GABRA2: variants seen among roughly 807,000 people sequenced by gnomAD.
GABRA2 encodes the protein gamma-aminobutyric acid type A receptor subunit alpha2.
GABRA2 carries 16 observed loss-of-function variants against 48.7 expected under a neutral mutation model. That is an observed-to-expected ratio of 0.33 (90% CI 0.22 to 0.50). The LOEUF (loss-of-function observed/expected upper bound fraction) is 0.50, where lower values mean the gene tolerates loss of function less well. Ranked by LOEUF, GABRA2 falls within the 20% of genes least tolerant of loss-of-function variation. The pLI, the probability that GABRA2 is intolerant of heterozygous loss-of-function variation, is 0.98. For missense variants in GABRA2, 275 were observed against 535.6 expected (o/e 0.51, Z 4.80); for synonymous variants, 185 against 184.5 (o/e 1.00, Z -0.02).
At chr4:46,292,023 G>T (rs1218355321) in intron 8 of GABRA2, among the ~76,000 whole-genome samples, 9 of 151,964 alleles carry the variant, frequency 5.9e-5, no homozygotes, top group Non-Finnish European at 1.3e-4. Flanking sequence ...ATGATCCTTG[G>T]CATGAACTGT....
chr4:46,270,218 G>T (rs1196139393), intron 8 of GABRA2, among the ~76,000 whole-genome samples: 1 of 151,878 alleles, frequency 6.6e-6, no homozygotes, highest in African/African-American at 2.4e-5. Context: ...TTGGAAATTT[G>T]ACAATAACAT....
In GABRA2 at chr4:46,281,742, T is replaced by C. The variant is rs530928425; in HGVS notation, c.857-19614A>G. Among the ~76,000 whole-genome samples, 43 of 152,136 alleles carry C rather than the reference T, an allele frequency of 2.8e-4. 1 individual carries two copies. The highest frequency in any genetic ancestry group is 8.7e-4 in the African/African-American group (36 of 41,488). On this transcript the variant is annotated intron_variant, in intron 8 of 9. Transcript: ENST00000381620. ...TTTGAGGACAGTAAAAACAGCAAAT[T>C]CCTTCAAGTAAATCATCTTAAAAGG...
At chr4:46,266,545 G>A (rs541686437) in intron 8 of GABRA2, among the ~76,000 whole-genome samples, 2 of 150,690 alleles carry the variant, frequency 1.3e-5, no homozygotes, top group East Asian at 3.9e-4. Context: ...GTAACATTTG[G>A]TTGTTTCGAG....
intron 8 of GABRA2, among the ~76,000 whole-genome samples, chr4:46,284,580 G>A (rs913840686): frequency 9.9e-5 from 15 of 152,282 alleles, no homozygotes; most frequent in African/African-American, 3.4e-4. Context: ...AAATATCCAT[G>A]AGATAAATGA....
chr4:46,298,989 T>C (rs954601914), intron 8 of GABRA2, among the ~76,000 whole-genome samples: 1 of 151,136 alleles, frequency 6.6e-6, no homozygotes, highest in East Asian at 1.9e-4. Flanking sequence ...ATATTATACA[T>C]ATATTATATG....
intron 3 of GABRA2, among the ~76,000 whole-genome samples, chr4:46,376,652 CA>C (rs1715741021): frequency 6.6e-6 from 1 of 152,004 alleles, no homozygotes; most frequent in Non-Finnish European, 1.5e-5. Context: ...TTTGGGAGGC[CA>C]AAGTGGGAGG....
rs1342714941 is a variant in GABRA2, at chr4:46,247,812, T to C, written c.*2496A>G. Among the ~76,000 whole-genome samples, 1 of 151,322 alleles carries C rather than the reference T, an allele frequency of 6.6e-6. No individual in the cohort carries two copies. Among genetic ancestry groups the C allele is most frequent in the Non-Finnish European group, 1.5e-5 (1 of 67,436 alleles). Reference sequence around the variant, plus strand: ...AGCAATTTCCACGGAGCATCCCTAGTCTCCCCACAAGAGAAGAAGCTCCTT... The same window carrying C: ...AGCAATTTCCACGGAGCATCCCTAGCCTCCCCACAAGAGAAGAAGCTCCTT... On this transcript the variant is annotated 3_prime_UTR_variant, in exon 10 of 10. Coordinates refer to ENST00000381620, the MANE Select transcript of GABRA2 (RefSeq NM_000807.4).
chr4:46,308,266 C>T (rs1727046884), intron 6 of GABRA2, among the ~76,000 whole-genome samples: 1 of 151,932 alleles, frequency 6.6e-6, no homozygotes, highest in Non-Finnish European at 1.5e-5. Flanking sequence ...AGGTATGCGG[C>T]AATAGGAATA....
At chr4:46,293,592 T>C (rs943114512) in intron 8 of GABRA2, among the ~76,000 whole-genome samples, 1 of 152,180 alleles carries the variant, frequency 6.6e-6, no homozygotes. Flanking sequence ...CCTGTGGTCA[T>C]TTCTCTATTG....
intron 3 of GABRA2, among the ~76,000 whole-genome samples, chr4:46,358,638 G>C (rs1006039986): frequency 6.6e-6 from 1 of 152,128 alleles, no homozygotes; most frequent in African/African-American, 2.4e-5. Context: ...TCACATGTTT[G>C]CTGGGTTAGT....
intron 2 of GABRA2, 133 bp from the exon 3 acceptor site, chr4:46,386,322 T>A (rs1044185473): frequency 3.9e-5 from 23 of 584,896 alleles, no homozygotes; most frequent in Admixed American, 1.4e-4. Flanking sequence ...CCTTTTTTTT[T>A]AACTTCTATA....
intron 3 of GABRA2, among the ~76,000 whole-genome samples, chr4:46,343,880 C>T (rs538072143): frequency 1.3e-4 from 20 of 151,914 alleles, no homozygotes; most frequent in African/African-American, 4.8e-4. Flanking sequence ...TCCATGATTC[C>T]ACTGAATAAT....
At chr4:46,255,816 T>A (rs1260363860) in intron 9 of GABRA2, among the ~76,000 whole-genome samples, 2 of 151,668 alleles carry the variant, frequency 1.3e-5, no homozygotes, top group Non-Finnish European at 3.0e-5. Flanking sequence ...TGACTTCCTA[T>A]GAGTGATAGA....
At chr4:46,310,480 T>C (rs1727455763) in intron 5 of GABRA2, among the ~76,000 whole-genome samples, 1 of 152,206 alleles carries the variant, frequency 6.6e-6, no homozygotes, top group Non-Finnish European at 1.5e-5. Flanking sequence ...AAATATACTT[T>C]AGCCATTTTA....
intron 9 of GABRA2, chr4:46,261,266 T>A (rs1417318651): frequency 2.0e-5 from 3 of 152,166 alleles, no homozygotes; most frequent in Non-Finnish European, 4.4e-5. Context: ...ACTTTTCCCT[T>A]TTAGACCATA....
chr4:46,318,998 T>G (rs1038027233), intron 4 of GABRA2, among the ~76,000 whole-genome samples: 1 of 151,700 alleles, frequency 6.6e-6, no homozygotes, highest in Non-Finnish European at 1.5e-5. Context: ...AGTTTGTTAG[T>G]GACAGAACCC....
At chr4:46,268,257 A>G (rs1352302493) in intron 8 of GABRA2, among the ~76,000 whole-genome samples, 5 of 151,954 alleles carry the variant, frequency 3.3e-5, no homozygotes, top group Non-Finnish European at 5.9e-5. Flanking sequence ...GAGTGATAAA[A>G]ATATGTGAAT....
At chr4:46,327,854 A>G (rs1730653243) in intron 4 of GABRA2, among the ~76,000 whole-genome samples, 1 of 152,070 alleles carries the variant, frequency 6.6e-6, no homozygotes, top group South Asian at 2.1e-4. Context: ...TTTCAAGATT[A>G]CTTCAAAGTT....
At chr4:46,342,555 G>T (rs962562140) in intron 3 of GABRA2, among the ~76,000 whole-genome samples, 1 of 151,936 alleles carries the variant, frequency 6.6e-6, no homozygotes, top group East Asian at 1.9e-4. Flanking sequence ...CTGACCTCTT[G>T]ACTGTTCATT....
Sources: allele counts gnomAD v4.1 joint callset (sites outside exome capture counted in the v4.1 genomes callset), GRCh38; gene constraint gnomAD v4.1.1; transcripts MANE v1.5; gene names NCBI Gene and HGNC (gene_info 2026-07-23, HGNC 2026-07-21).